The following GGA1 variants were observed in gnomAD, a reference collection of about 807,000 sequenced individuals.
GGA1 encodes ADP-ribosylation factor-binding protein GGA1.
GGA1 carries 18 observed loss-of-function variants against 76.9 expected under a neutral mutation model. That is an observed-to-expected ratio of 0.23 (90% CI 0.16 to 0.35). The LOEUF (loss-of-function observed/expected upper bound fraction) is 0.35, where lower values mean the gene tolerates loss of function less well. Among genes scored for constraint, GGA1 ranks in the 10% least tolerant of loss-of-function variants. The pLI is 1.00. For missense variants in GGA1, 755 were observed against 859.0 expected (o/e 0.88, Z 1.51); for synonymous variants, 342 against 354.7 (o/e 0.96, Z 0.40).
chr22:37,609,083 G>A (rs989225678), intron 1 of GGA1, 180 bp downstream of exon 1: 17 of 1,489,488 alleles, frequency 1.1e-5, no homozygotes, highest in Middle Eastern at 1.8e-4. Context: ...CCCCGGCCCC[G>A]GCGCGGTCCA....
intron 5 of GGA1, 108 bp downstream of exon 5, chr22:37,620,469 TCTGTCCTTTAACTTCTGGAGAAAGTAC>T: frequency 8.3e-7 from 1 of 1,205,666 alleles, no homozygotes; most frequent in Admixed American, 1.9e-5. Flanking sequence ...AGGTCATGGG[TCTGTCCTTTAACTTCTGGAGAAAGTAC>T]ATACAGCTAG....
chr22:37,629,626 C>T (rs2145992606), intron 12 of GGA1, 100 bp downstream of exon 12: 1 of 766,604 alleles, frequency 1.3e-6, no homozygotes, highest in Non-Finnish European at 2.1e-6. Context: ...ATGGGCTCTA[C>T]TCAAGAGCCC....
Position 37,623,450 on chromosome 22 carries a change from A to G in GGA1, c.733A>G (p.Ser245Gly). 1.2e-6 allele frequency: 2 copies of G among 1,614,064 alleles called. No individual in the cohort carries two copies. Among genetic ancestry groups the G allele is most frequent in the Non-Finnish European group, 1.7e-6 (2 of 1,179,976 alleles). ...CCAGGGCGGCGCAGCAGCTGGCAGC[A>G]GCGAGGACCTCATGAAGGTGCACCT... ...HSQGGAAAGS[S>G]EDLMKELYQR... The change falls in exon 8 of 17, where the codon AGC (serine) becomes GGC (glycine). Residue 245 changes from serine (S) to glycine (G), a missense_variant. Transcript: ENST00000343632. This position sits in a 1 kb window ranked among gnomAD's most constrained non-coding sequence, Gnocchi z 4.6.
intron 3 of GGA1, chr22:37,617,382 G>T (rs894009169): frequency 2.2e-5 from 24 of 1,103,892 alleles, no homozygotes; most frequent in Non-Finnish European, 2.7e-5. Context: ...GTAAAGCTAA[G>T]GGGTGGTGCT....
At chr22:37,630,724 G>A (rs1601561426) in intron 13 of GGA1, 179 bp from the exon 14 acceptor site, 1 of 577,746 alleles carries the variant, frequency 1.7e-6, no homozygotes, top group Non-Finnish European at 3.0e-6. Flanking sequence ...GCGCTACCAC[G>A]CCCAGCTAGT....
At chr22:37,626,257 G>A (rs1001892503) in intron 11 of GGA1, 2 of 260,462 alleles carry the variant, frequency 7.7e-6, no homozygotes, top group Admixed American at 5.4e-5. Flanking sequence ...GTTAGAGCCT[G>A]GAATTGAGAA....
Position 37,614,242 on chromosome 22 carries a change from C to T in GGA1, c.96C>T (p.Gly32=), listed in dbSNP as rs1379848607. 3 of 1,613,722 alleles carry T rather than the reference C, an allele frequency of 1.9e-6. No individual in the cohort carries two copies. The highest frequency in any genetic ancestry group is 1.3e-5 in the African/African-American group (1 of 74,910). The change falls in exon 2 of 17, where the codon GGC becomes GGT. Residue 32 remains glycine (G), a synonymous_variant. Coordinates refer to ENST00000343632, the MANE Select transcript of GGA1 (RefSeq NM_013365.5). The stretch of plus-strand genomic sequence containing the variant: ...AGCTCGACTGGGCCAGCATCAACGG[C>T]TTCTGCGAGCAGCTCAACGAGGACT... ...NKELDWASIN[G]FCEQLNEDFE...
chr22:37,621,918 C>T (rs1020433493), intron 7 of GGA1, among the ~76,000 whole-genome samples: 1 of 151,074 alleles, frequency 6.6e-6, no homozygotes, highest in East Asian at 1.9e-4. Context: ...GCTACCTCTT[C>T]GTCAAAAGTT....
intron 1 of GGA1, chr22:37,612,910 C>T (rs1928002939): frequency 9.1e-6 from 9 of 985,008 alleles, no homozygotes; most frequent in Non-Finnish European, 1.1e-5. Flanking sequence ...GTTTACACCA[C>T]TTCATGTAGA....
At chr22:37,610,732 G>T (rs1927364680) in intron 1 of GGA1, 1 of 152,270 alleles carries the variant, frequency 6.6e-6, no homozygotes, top group Admixed American at 6.5e-5. Context: ...CTATAGAGTG[G>T]CAGGGTGGAG....
chr22:37,609,110 C>T, intron 1 of GGA1: 1 of 1,486,558 alleles, frequency 6.7e-7, no homozygotes. Flanking sequence ...GGAGCGGGCG[C>T]CGCCCACCTG....
chr22:37,626,066 G>A (rs532787964), intron 11 of GGA1, 117 bp downstream of exon 11: 65 of 743,544 alleles, frequency 8.7e-5, no homozygotes, highest in Admixed American at 1.7e-4. Flanking sequence ...TGTGGGGCAC[G>A]TGGATGAGCA....
rs1932139713 is a variant in GGA1 at position 37,633,380 on chromosome 22, T to C, written c.*669T>C. Reference sequence around the variant, plus strand: ...GCTCAAGGGTAATGCCAGAGGCCCATGGCCCCAGCGAGGGGCTGTGGGGCA... The same window carrying C: ...GCTCAAGGGTAATGCCAGAGGCCCACGGCCCCAGCGAGGGGCTGTGGGGCA... On this transcript the variant is annotated 3_prime_UTR_variant, in exon 17 of 17. Coordinates refer to ENST00000343632, the MANE Select transcript of GGA1 (RefSeq NM_013365.5). 2 of 151,402 alleles carry C rather than the reference T, an allele frequency of 1.3e-5. 1 individual carries two copies. The highest frequency in any genetic ancestry group is 4.2e-4 in the South Asian group (2 of 4,798). 9.4% of individuals were successfully genotyped at this position (151,402 alleles called of 1,614,324 possible).
rs1930747086 is a variant in GGA1, at chr22:37,625,958, G to A, written c.1093+9G>A. ...CGAGCTCATGTCTCTGGGTGAGGAA[G>A]GGGCCAGGCCTGGAGGAGGGCGGGC... On this transcript the variant is annotated intron_variant, in intron 11 of 16. Coordinates refer to ENST00000343632, the MANE Select transcript of GGA1 (RefSeq NM_013365.5). This position sits in a 1 kb window ranked among gnomAD's most constrained non-coding sequence, Gnocchi z 4.1. 2 of 1,585,730 alleles carry A rather than the reference G, an allele frequency of 1.3e-6. No individual in the cohort carries two copies. The highest frequency in any genetic ancestry group is 1.7e-6 in the Non-Finnish European group (2 of 1,167,080).
In GGA1 at chr22:37,613,838, C is replaced by T. The variant is rs992942222; in HGVS notation, c.44-352C>T. ...TTTTTCTCCCTTACTTCTGGATCTC[C>T]TCTGAGCATAAATTTCATGAGAATT... On this transcript the variant is annotated intron_variant, in intron 1 of 16. Transcript: ENST00000343632. 1.3e-5 allele frequency: 3 copies of T among 238,822 alleles called. No homozygotes were observed. The South Asian group carries it at 1.7e-4, about 13-fold the overall frequency. 14.8% of individuals were successfully genotyped at this position (238,822 alleles called of 1,614,324 possible). A position where few individuals can be genotyped will look rare whatever the true frequency, so the allele number is the denominator to read the frequency against.
intron 3 of GGA1, 161 bp downstream of exon 3, chr22:37,617,158 C>A (rs1928965481): frequency 1.4e-6 from 2 of 1,472,014 alleles, no homozygotes; most frequent in Non-Finnish European, 1.8e-6. Context: ...GGTCCCACCA[C>A]AGCCAGCGGG....
chr22:37,613,135 A>G, intron 1 of GGA1: 1 of 985,370 alleles, frequency 1.0e-6, no homozygotes, highest in Non-Finnish European at 1.2e-6. Context: ...AGGATTAGAG[A>G]AGGGGACACC....
In GGA1 at chr22:37,624,819, C is replaced by G. The variant is rs543948797; in HGVS notation, c.833-150C>G. 66 of 1,077,902 alleles carry G rather than the reference C, an allele frequency of 6.1e-5. No homozygotes were observed. In the African/African-American group the frequency reaches 9.9e-4, roughly 16 times the overall value. The allele number at this position is 1,077,902 out of a possible 1,614,324, so 66.8% of individuals were successfully genotyped here. On this transcript the variant is annotated intron_variant, in intron 9 of 16. Transcript: ENST00000343632. This position sits in a 1 kb window ranked among gnomAD's most constrained non-coding sequence, Gnocchi z 4.3. Reference sequence around the variant, plus strand: ...GTGAGACCAGGGAGGTGGCGGAGGGCCAGAGTCTCAGCAGACGAGATGGGC... The same window carrying G: ...GTGAGACCAGGGAGGTGGCGGAGGGGCAGAGTCTCAGCAGACGAGATGGGC...
chr22:37,609,568 CCA>C (rs1927101132), intron 1 of GGA1, among the ~76,000 whole-genome samples: 2 of 152,194 alleles, frequency 1.3e-5, no homozygotes, highest in Non-Finnish European at 1.5e-5. Context: ...GATGCCTTTC[CCA>C]GCTCTTGCTG....
Sources: gnomAD v4.1 joint callset for allele counts (sites outside exome capture counted in the v4.1 genomes callset) on GRCh38, gnomAD v4.1.1 for gene constraint, Gnocchi (gnomAD v3.1) non-coding constraint, MANE v1.5 for transcripts, NCBI Gene and HGNC (gene_info 2026-07-23, HGNC 2026-07-21) for gene names.